The following TTC39B variants were observed in gnomAD, a reference collection of about 807,000 sequenced individuals.
TTC39B encodes tetratricopeptide repeat protein 39B.
In TTC39B, 92 loss-of-function variants were observed where a neutral mutation model predicts 96.6. The observed-to-expected ratio is 0.95, with a 90% CI of 0.80 to 1.13. The LOEUF is 1.13. Among genes scored for constraint, TTC39B ranks in the 50% most tolerant of loss-of-function variants. The pLI, the probability that TTC39B is intolerant of heterozygous loss-of-function variation, is 0.00. For missense variants in TTC39B, 955 were observed against 809.3 expected (o/e 1.18, Z -2.18); for synonymous variants, 367 against 299.4 (o/e 1.23, Z -2.33).
intron 7 of TTC39B, 80 bp downstream of exon 7, chr9:15,203,743 A>G (rs767096942): frequency 9.7e-6 from 11 of 1,137,994 alleles, no homozygotes; most frequent in Non-Finnish European, 1.4e-5. Context: ...TGAAGCTTTG[A>G]CATAGAATGC....
chr9:15,181,676 G>A (rs904042065), intron 17 of TTC39B, among the ~76,000 whole-genome samples: 1 of 152,186 alleles, frequency 6.6e-6, no homozygotes, highest in Non-Finnish European at 1.5e-5. Context: ...CCCTGTGTCT[G>A]CAGAAACACA....
At chr9:15,210,792 G>GA (rs1290016171) in intron 5 of TTC39B, among the ~76,000 whole-genome samples, 2 of 150,280 alleles carry the variant, frequency 1.3e-5, no homozygotes, top group Non-Finnish European at 2.9e-5. Flanking sequence ...CTTACCCCTT[G>GA]AAAAAAATTT....
intron 11 of TTC39B, 93 bp from the exon 12 acceptor site, chr9:15,189,885 T>A: frequency 2.6e-6 from 2 of 783,832 alleles, no homozygotes; most frequent in Non-Finnish European, 4.3e-6. Context: ...AGTAAAGACC[T>A]ACTCATGGAA....
At chr9:15,171,926 A>T in exon 20 of TTC39B, 2 of 956,288 alleles carry the variant, frequency 2.1e-6, no homozygotes, top group Admixed American at 2.3e-5. Context: ...TTTGTCTCTT[A>T]TTCACAAGAT....
At chr9:15,167,091 C>T (rs1406535380) in exon 20 of TTC39B, 2 of 110,826 alleles carry the variant, frequency 1.8e-5, no homozygotes, top group Non-Finnish European at 3.5e-5. Context: ...GGGTGGAGTG[C>T]AGTGGCATGA....
chr9:15,166,738 C>T (rs377170921), exon 20 of TTC39B: 6 of 151,408 alleles, frequency 4.0e-5, no homozygotes, highest in Admixed American at 1.3e-4. Flanking sequence ...TAACTGGACT[C>T]GGGGAGGAAG....
intron 2 of TTC39B, among the ~76,000 whole-genome samples, chr9:15,252,597 A>G (rs1822604223): frequency 6.6e-6 from 1 of 152,154 alleles, no homozygotes; most frequent in Non-Finnish European, 1.5e-5. Context: ...GCAGTGAGCC[A>G]AGATGGCGCT....
chr9:15,189,542 C>T (rs751659759), intron 13 of TTC39B, 32 bp downstream of exon 13: 1 of 1,612,830 alleles, frequency 6.2e-7, no homozygotes, highest in South Asian at 1.1e-5. Flanking sequence ...ATACAGACAA[C>T]TCCCCCAAAT....
chr9:15,251,517 C>T (rs1395657757), intron 2 of TTC39B, among the ~76,000 whole-genome samples: 2 of 151,702 alleles, frequency 1.3e-5, no homozygotes, highest in African/African-American at 4.8e-5. Context: ...AGCTGAGTAG[C>T]GCCATTGCAC....
chr9:15,304,794 G>A (rs1020574122), intron 1 of TTC39B, among the ~76,000 whole-genome samples: 6 of 152,100 alleles, frequency 3.9e-5, no homozygotes, highest in Non-Finnish European at 7.4e-5. Flanking sequence ...CTCAATCAAG[G>A]TCAACAGTCA....
chr9:15,201,260 C>CA (rs201314695), intron 7 of TTC39B, among the ~76,000 whole-genome samples: 2,055 of 134,222 alleles, frequency 0.015, 23 homozygotes, highest in African/African-American at 0.042. Flanking sequence ...AAATATACCT[C>CA]AAAAAAAAAA....
At chr9:15,270,118 C>A (rs1267507873) in intron 1 of TTC39B, among the ~76,000 whole-genome samples, 1 of 151,526 alleles carries the variant, frequency 6.6e-6, no homozygotes, top group Non-Finnish European at 1.5e-5. Flanking sequence ...TGCAGTGAGT[C>A]AAGATTGCCC....
At chr9:15,276,945 A>C (rs1399466506) in intron 1 of TTC39B, among the ~76,000 whole-genome samples, 5 of 152,228 alleles carry the variant, frequency 3.3e-5, no homozygotes, top group African/African-American at 1.2e-4. Flanking sequence ...GGGATCCCTA[A>C]CTATACTTCC....
At chr9:15,233,154 T>C (rs1047439591) in intron 2 of TTC39B, among the ~76,000 whole-genome samples, 5 of 152,042 alleles carry the variant, frequency 3.3e-5, no homozygotes, top group Non-Finnish European at 7.4e-5. Context: ...CGAGAAATCT[T>C]CAGTTGCTTC....
chr9:15,251,534 C>A (rs1822538174), intron 2 of TTC39B, among the ~76,000 whole-genome samples: 1 of 151,770 alleles, frequency 6.6e-6, no homozygotes, highest in South Asian at 2.1e-4. Context: ...GCACTCCAGC[C>A]TGGGCAACAA....
At chr9:15,177,508 T>C (rs1432149744) in intron 18 of TTC39B, among the ~76,000 whole-genome samples, 189 bp downstream of exon 18, 2 of 152,144 alleles carry the variant, frequency 1.3e-5, no homozygotes, top group East Asian at 3.8e-4. Context: ...ATACATAAAG[T>C]CATGTTCCAC....
chr9:15,265,078 G>A (rs1312050986), intron 2 of TTC39B, among the ~76,000 whole-genome samples: 2 of 152,164 alleles, frequency 1.3e-5, no homozygotes, highest in Non-Finnish European at 2.9e-5. Context: ...CCTAACAAAT[G>A]GTGCTGGAAT....
At chr9:15,211,827 T>A (rs1486141664) in intron 4 of TTC39B, among the ~76,000 whole-genome samples, 1 of 152,206 alleles carries the variant, frequency 6.6e-6, no homozygotes, top group Non-Finnish European at 1.5e-5. Context: ...ATCCCTCTCC[T>A]CGCCAGCCAA....
intron 3 of TTC39B, among the ~76,000 whole-genome samples, chr9:15,214,730 T>C (rs891687095): frequency 1.2e-4 from 18 of 152,232 alleles, no homozygotes; most frequent in Non-Finnish European, 2.5e-4. Flanking sequence ...ATCTGCCAAA[T>C]GTCCTCATCT....
Sources: gnomAD v4.1 joint callset for allele counts (sites outside exome capture counted in the v4.1 genomes callset) on GRCh38, gnomAD v4.1.1 for gene constraint, MANE v1.5 for transcripts, NCBI Gene and HGNC (gene_info 2026-07-23, HGNC 2026-07-21) for gene names.